The following EYA3 variants were observed in gnomAD, a reference collection of about 807,000 sequenced individuals.
EYA3 encodes the protein protein phosphatase EYA3.
A neutral mutation model predicts 80.0 loss-of-function variants in EYA3; 39 were observed. The observed-to-expected ratio is 0.49, with a 90% CI of 0.38 to 0.64. The LOEUF (loss-of-function observed/expected upper bound fraction) is 0.64, where lower values mean the gene tolerates loss of function less well. EYA3 is among the 30% of genes least tolerant of loss of function. EYA3 has a pLI of 0.00. For synonymous variants in EYA3, 206 were observed against 232.8 expected, an observed-to-expected ratio of 0.88 and a Z score of 1.05; for missense variants, 523 against 676.1, an observed-to-expected ratio of 0.77 and a Z score of 2.51.
At chr1:28,043,395 T>A (rs917251729) in intron 3 of EYA3, among the ~76,000 whole-genome samples, 2 of 151,230 alleles carry the variant, frequency 1.3e-5, no homozygotes, top group Non-Finnish European at 2.9e-5. Context: ...AAATATACAA[T>A]GCTATATTAT....
At chr1:28,054,120 G>A (rs1263860858) in intron 2 of EYA3, among the ~76,000 whole-genome samples, 2 of 152,160 alleles carry the variant, frequency 1.3e-5, no homozygotes, top group Non-Finnish European at 2.9e-5. Flanking sequence ...GAGGGGTAAA[G>A]GGTTTGATCA....
intron 10 of EYA3, among the ~76,000 whole-genome samples, chr1:28,005,781 G>GCATATTAAACCAAAC (rs1325130023): frequency 6.6e-6 from 1 of 151,870 alleles, no homozygotes; most frequent in Non-Finnish European, 1.5e-5. Context: ...CAAAATAGAG[G>GCATATTAAACCAAAC]TAAACCAAAT....
At chr1:27,974,614 ACT>A in intron 17 of EYA3, 68 bp from the exon 18 acceptor site, 1 of 1,376,586 alleles carries the variant, frequency 7.3e-7, no homozygotes, top group Non-Finnish European at 1.0e-6. Context: ...ATTTGCCCAT[ACT>A]CTTTCCTCAA....
intron 1 of EYA3, among the ~76,000 whole-genome samples, chr1:28,070,839 T>C (rs1644995316): frequency 6.6e-6 from 1 of 152,152 alleles, no homozygotes; most frequent in Non-Finnish European, 1.5e-5. Context: ...TCTTGAGAAA[T>C]CTTACAAGAT....
intron 6 of EYA3, 119 bp from the exon 7 acceptor site, chr1:28,028,045 C>A: frequency 8.5e-7 from 1 of 1,177,460 alleles, no homozygotes. Context: ...AATAAATTTG[C>A]TTGTAAGAGA....
Position 28,013,046 on chromosome 1 carries a change from T to C in EYA3, c.769+65A>G. ...AGACAGAACAAAATCATCCTTACCATTGCCTAAAAACAACTGTTGGATGAA... is the reference window on the plus strand; with the variant it reads ...AGACAGAACAAAATCATCCTTACCACTGCCTAAAAACAACTGTTGGATGAA... On this transcript the variant is annotated intron_variant, in intron 9 of 17. Coordinates refer to ENST00000373871, the MANE Select transcript of EYA3 (RefSeq NM_001990.4). This position sits in a 1 kb window ranked among gnomAD's most constrained non-coding sequence, Gnocchi z 4.0. 3 of 1,512,120 alleles carry C rather than the reference T, an allele frequency of 2.0e-6. No individual in the cohort carries two copies. Among genetic ancestry groups the C allele is most frequent in the Non-Finnish European group, 2.7e-6 (3 of 1,112,716 alleles). 93.7% of individuals were successfully genotyped at this position (1,512,120 alleles called of 1,614,324 possible). A position where few individuals can be genotyped will look rare whatever the true frequency, so the allele number is the denominator to read the frequency against.
chr1:28,069,228 A>AG (rs1187785975), intron 1 of EYA3, among the ~76,000 whole-genome samples: 1 of 152,046 alleles, frequency 6.6e-6, no homozygotes, highest in Non-Finnish European at 1.5e-5. Flanking sequence ...CTCCTGCCTC[A>AG]GCCTCCCAAG....
intron 1 of EYA3, among the ~76,000 whole-genome samples, chr1:28,087,641 A>G (rs1645708453): frequency 6.6e-6 from 1 of 152,246 alleles, no homozygotes; most frequent in South Asian, 2.1e-4. Flanking sequence ...AGAAGCGTCC[A>G]TGCCGAAAAC....
chr1:28,067,427 A>C (rs915859947), intron 1 of EYA3, among the ~76,000 whole-genome samples: 1 of 152,256 alleles, frequency 6.6e-6, no homozygotes, highest in African/African-American at 2.4e-5. Flanking sequence ...TTACATTTAA[A>C]AGTATAGTAA....
chr1:28,056,315 G>A (rs1024130891), intron 2 of EYA3, among the ~76,000 whole-genome samples: 3 of 142,748 alleles, frequency 2.1e-5, no homozygotes, highest in Non-Finnish European at 3.2e-5. Context: ...ACTAGTCAAC[G>A]CTAAGCTGTT....
intron 4 of EYA3, among the ~76,000 whole-genome samples, chr1:28,042,356 C>T (rs879867890): frequency 6.6e-5 from 10 of 152,120 alleles, no homozygotes; most frequent in Non-Finnish European, 1.3e-4. Context: ...GCGTGTGACT[C>T]CTTGGGTGAG....
rs771779450 is a variant in EYA3, at chr1:28,017,120, C to CT, written c.585+33dup. On this transcript the variant is annotated intron_variant, in intron 8 of 17. Transcript: ENST00000373871. ...GAAGAAAGAGCAAGCTGGATGAACT[C>CT]TATCAAACAGGATGAACAAAGGTAG... 4.7e-5 allele frequency: 73 copies of CT among 1,558,648 alleles called. No homozygotes were observed. In the East Asian group the frequency reaches 1.6e-3, roughly 34 times the overall value.
chr1:28,053,637 C>T (rs1267830475), intron 2 of EYA3, among the ~76,000 whole-genome samples: 1 of 152,160 alleles, frequency 6.6e-6, no homozygotes, highest in Non-Finnish European at 1.5e-5. Context: ...GCAGCATTAA[C>T]AGTACAAGGA....
chr1:28,043,607 G>A (rs1417418475), intron 3 of EYA3, among the ~76,000 whole-genome samples: 2 of 152,182 alleles, frequency 1.3e-5, no homozygotes, highest in African/African-American at 2.4e-5. Flanking sequence ...GGAAGCTGAG[G>A]CGGGCGGATC....
At chr1:28,086,416 T>C (rs1465149272) in intron 1 of EYA3, among the ~76,000 whole-genome samples, 1 of 152,168 alleles carries the variant, frequency 6.6e-6, no homozygotes, top group Non-Finnish European at 1.5e-5. Flanking sequence ...CTCGAACTCC[T>C]GGCCAATCCT....
intron 1 of EYA3, among the ~76,000 whole-genome samples, chr1:28,081,156 A>G (rs1388276106): frequency 6.6e-6 from 1 of 152,128 alleles, no homozygotes; most frequent in African/African-American, 2.4e-5. Flanking sequence ...TTTTTTTTGC[A>G]CAGAATGTGA....
intron 13 of EYA3, among the ~76,000 whole-genome samples, chr1:27,994,938 G>A (rs1640327926): frequency 6.6e-6 from 1 of 151,332 alleles, no homozygotes; most frequent in African/African-American, 2.4e-5. Context: ...ACCTTAGCCT[G>A]GGCAACAGAG....
chr1:28,069,899 G>C (rs1019857556), intron 1 of EYA3, among the ~76,000 whole-genome samples: 10 of 152,158 alleles, frequency 6.6e-5, no homozygotes, highest in African/African-American at 2.4e-4. Context: ...CACATACAGA[G>C]AAGACGGCAA....
intron 16 of EYA3, among the ~76,000 whole-genome samples, chr1:27,981,763 C>CA (rs373795075): frequency 0.34 from 32,694 of 95,634 alleles, 3,861 homozygotes; most frequent in Non-Finnish European, 0.36. Context: ...GACCCTGTCT[C>CA]AAAAAAAAAA....
Sources: gnomAD v4.1 joint callset for allele counts (sites outside exome capture counted in the v4.1 genomes callset) on GRCh38, gnomAD v4.1.1 for gene constraint, Gnocchi (gnomAD v3.1) non-coding constraint, MANE v1.5 for transcripts, NCBI Gene and HGNC (gene_info 2026-07-23, HGNC 2026-07-21) for gene names.